PCDHGA12: variants seen among roughly 807,000 people sequenced by gnomAD.
PCDHGA12 encodes protocadherin gamma-A12.
Under a neutral mutation model 61.1 loss-of-function variants are expected in PCDHGA12, and 43 were observed. The observed-to-expected ratio is 0.70, with a 90% CI of 0.55 to 0.91. PCDHGA12 has a LOEUF of 0.91. Among genes scored for constraint, PCDHGA12 ranks in the 40% least tolerant of loss-of-function variants. The pLI is 0.00. For missense variants in PCDHGA12, 1,236 were observed against 1,227.7 expected (o/e 1.01, Z -0.10); for synonymous variants, 520 against 542.9 (o/e 0.96, Z 0.59).
At position 141,486,878 on chromosome 5, in the gene PCDHGA12, C is replaced by T. The variant is rs772994346; in HGVS notation, c.2425-7929C>T. ...CAATGCTCCAGCTGTGCTCCGTCCT[C>T]GGGCCCGGCCTGGTTCCTTATGTCC... On this transcript the variant is annotated intron_variant, in intron 1 of 3. Transcript: ENST00000252085. The surrounding 1 kb of genome is among the most constrained non-coding windows in gnomAD (Gnocchi z 5.0). 3.0e-5 allele frequency: 49 copies of T among 1,614,114 alleles called. No homozygotes were observed. The highest frequency in any genetic ancestry group is 4.4e-5 in the South Asian group (4 of 91,088).
At chr5:141,494,922 C>T (rs1401836511) in intron 2 of PCDHGA12, 57 bp downstream of exon 2, 23 of 1,613,670 alleles carry the variant, frequency 1.4e-5, no homozygotes, top group Non-Finnish European at 1.9e-5. Flanking sequence ...TCAGGGATGA[C>T]GTGGGAGGAG....
At position 141,487,063 on chromosome 5, in the gene PCDHGA12, G is replaced by T; in HGVS notation, c.2425-7744G>T. The T allele has an allele frequency of 6.2e-7, 1 of 1,614,086 alleles. No homozygotes were observed. ...CTCGATATGCTGGGGAGGTGCGGACGGCTGTTCCTATCCCAGCTGACCTCC... is the reference window on the plus strand; with the variant it reads ...CTCGATATGCTGGGGAGGTGCGGACTGCTGTTCCTATCCCAGCTGACCTCC... On this transcript the variant is annotated intron_variant, in intron 1 of 3. Coordinates refer to ENST00000252085, the MANE Select transcript of PCDHGA12 (RefSeq NM_003735.3). The surrounding 1 kb of genome is among the most constrained non-coding windows in gnomAD (Gnocchi z 5.0).
At chr5:141,436,208 A>G (rs1287696925) in intron 1 of PCDHGA12, among the ~76,000 whole-genome samples, 1 of 152,152 alleles carries the variant, frequency 6.6e-6, no homozygotes, top group Non-Finnish European at 1.5e-5. Context: ...CATAATAGGA[A>G]AACAAATGAC....
intron 1 of PCDHGA12, among the ~76,000 whole-genome samples, chr5:141,480,768 A>G (rs1371582817): frequency 6.6e-6 from 1 of 152,162 alleles, no homozygotes; most frequent in African/African-American, 2.4e-5. Flanking sequence ...TCCCCACTTG[A>G]TCCTAATGTG....
chr5:141,430,662 C>A lies in PCDHGA12; in HGVS notation c.-98C>A. 8.6e-7 allele frequency: 1 copy of A among 1,169,068 alleles called. No homozygotes were observed. The highest frequency in any genetic ancestry group is 1.2e-6 in the Non-Finnish European group (1 of 854,690). 72.4% of individuals were successfully genotyped at this position (1,169,068 alleles called of 1,614,324 possible). ...GGAGTATGTGGAAACAACGGAGGAG[C>A]TCTGACTTCCCAACTGTCCCATTCT... On this transcript the variant is annotated 5_prime_UTR_variant, in exon 1 of 4. Transcript: ENST00000252085.
At chr5:141,447,284 C>A (rs979564320) in intron 1 of PCDHGA12, among the ~76,000 whole-genome samples, 1 of 152,124 alleles carries the variant, frequency 6.6e-6, no homozygotes, top group African/African-American at 2.4e-5. Context: ...GGACTACAGG[C>A]ACATGCCACC....
chr5:141,495,205 C>T (rs977479495), intron 2 of PCDHGA12, among the ~76,000 whole-genome samples: 1 of 152,212 alleles, frequency 6.6e-6, no homozygotes, highest in African/African-American at 2.4e-5. Flanking sequence ...TACTGCCTAA[C>T]CCCCTCCCCT....
intron 1 of PCDHGA12, among the ~76,000 whole-genome samples, chr5:141,466,748 G>A (rs562859284): frequency 6.6e-6 from 1 of 152,238 alleles, no homozygotes; most frequent in South Asian, 2.1e-4. Context: ...TACTCTGATA[G>A]GGGCTCTTTT....
intron 1 of PCDHGA12, chr5:141,478,619 A>G: frequency 6.4e-7 from 1 of 1,555,598 alleles, no homozygotes; most frequent in Non-Finnish European, 8.7e-7. Context: ...GAAGGAATGG[A>G]GCTGTTTTTT....
chr5:141,432,627 C>T lies in PCDHGA12; in HGVS notation c.1868C>T (p.Thr623Met). ...GGACTCTTCTCGGTGGGTCTGCACA[C>T]GGGCGAGGTGCGCACGGCGCGAGCC... The part of the protein sequence containing the change: ...EPGLFSVGLH[T>M]GEVRTARALL... Residue 623 changes from threonine (T) to methionine (M), a missense_variant, in exon 1 of 4, where the codon ACG becomes ATG. By Grantham distance (81) the Thr-to-Met change is moderately conservative. Coordinates refer to ENST00000252085, the MANE Select transcript of PCDHGA12 (RefSeq NM_003735.3). This position sits in a 1 kb window ranked among gnomAD's most constrained non-coding sequence, Gnocchi z 6.0. 1.2e-6 allele frequency: 2 copies of T among 1,613,770 alleles called. No individual in the cohort carries two copies. Among genetic ancestry groups the T allele is most frequent in the Non-Finnish European group, 1.7e-6 (2 of 1,179,944 alleles).
chr5:141,489,428 G>C lies in PCDHGA12; in HGVS notation c.2425-5379G>C, dbSNP rs561792279. The C allele has an allele frequency of 1.2e-6, 2 of 1,613,994 alleles. No individual in the cohort carries two copies. Among genetic ancestry groups the C allele is most frequent in the Non-Finnish European group, 1.7e-6 (2 of 1,180,038 alleles). On this transcript the variant is annotated intron_variant, in intron 1 of 3. Coordinates refer to ENST00000252085, the MANE Select transcript of PCDHGA12 (RefSeq NM_003735.3). This position sits in a 1 kb window ranked among gnomAD's most constrained non-coding sequence, Gnocchi z 4.5. The stretch of plus-strand genomic sequence containing the variant: ...AAGATGACAGATCTGTTGAGCCGGC[G>C]GCTGCAATTGGGCTCTGAGGAGAAT...
intron 1 of PCDHGA12, chr5:141,441,621 G>C (rs2098260273): frequency 9.0e-6 from 2 of 223,292 alleles, no homozygotes; most frequent in Non-Finnish European, 1.8e-5. Flanking sequence ...CGTGGCCAGT[G>C]ACCTGGAGCC....
chr5:141,495,918 T>C (rs2099764622), intron 2 of PCDHGA12, among the ~76,000 whole-genome samples: 1 of 152,184 alleles, frequency 6.6e-6, no homozygotes, highest in African/African-American at 2.4e-5. Flanking sequence ...ATATCTTTCT[T>C]TGTCTCTGTC....
At position 141,490,561 on chromosome 5, in the gene PCDHGA12, A is replaced by C. The variant is rs2099701634; in HGVS notation, c.2425-4246A>C. The stretch of plus-strand genomic sequence containing the variant: ...TTCCCTACACAAACATCTCACCATC[A>C]GGCTCAACATTTCAGATGTCAATGA... On this transcript the variant is annotated intron_variant, in intron 1 of 3. Transcript: ENST00000252085. The surrounding 1 kb of genome is among the most constrained non-coding windows in gnomAD (Gnocchi z 5.4). The C allele has an allele frequency of 1.2e-6, 2 of 1,614,090 alleles. No homozygotes were observed. The highest frequency in any genetic ancestry group is 1.7e-4 in the Middle Eastern group (1 of 6,060).
At position 141,511,424 on chromosome 5, in the gene PCDHGA12, G is replaced by A. The variant is rs939906846; in HGVS notation, c.*251G>A. 10 of 810,392 alleles carry A rather than the reference G, an allele frequency of 1.2e-5. No homozygotes were observed. Among genetic ancestry groups the A allele is most frequent in the East Asian group, 3.0e-5 (1 of 33,800 alleles). The allele number at this position is 810,392 out of a possible 1,614,324, so 50.2% of individuals were successfully genotyped here. On this transcript the variant is annotated 3_prime_UTR_variant, in exon 4 of 4. Transcript: ENST00000252085. The stretch of plus-strand genomic sequence containing the variant: ...ATCAACTGCTGTACCCATGGGGGTA[G>A]TGGGGTTACTGTAGACACCAAGAAC...
chr5:141,432,725 G>A lies in PCDHGA12; in HGVS notation c.1966G>A (p.Ala656Thr), dbSNP rs755759587. The A allele has an allele frequency of 7.4e-6, 12 of 1,613,896 alleles. No individual in the cohort carries two copies. Among genetic ancestry groups the A allele is most frequent in the African/African-American group, 1.3e-5 (1 of 74,932 alleles). Residue 656 changes from alanine to threonine, a missense_variant, in exon 1 of 4, where the codon GCC (alanine) becomes ACC (threonine). Transcript: ENST00000252085. This position sits in a 1 kb window ranked among gnomAD's most constrained non-coding sequence, Gnocchi z 6.0. ...VQDHGQPPLS[A>T]TVTLTVAVAD... ...GGACCACGGCCAGCCCCCTCTCTCC[G>A]CCACTGTCACGCTCACCGTGGCCGT...
intron 1 of PCDHGA12, among the ~76,000 whole-genome samples, chr5:141,469,102 A>G (rs1423904196): frequency 6.6e-6 from 1 of 151,626 alleles, no homozygotes; most frequent in East Asian, 1.9e-4. Flanking sequence ...CAAAGCAAGA[A>G]CCTGTCTCTA....
In PCDHGA12 at chr5:141,489,449, A is replaced by G; in HGVS notation, c.2425-5358A>G. The G allele has an allele frequency of 6.2e-7, 1 of 1,614,056 alleles. No homozygotes were observed. Among genetic ancestry groups the G allele is most frequent in the Non-Finnish European group, 8.5e-7 (1 of 1,180,016 alleles). On this transcript the variant is annotated intron_variant, in intron 1 of 3. Coordinates refer to ENST00000252085, the MANE Select transcript of PCDHGA12 (RefSeq NM_003735.3). This position sits in a 1 kb window ranked among gnomAD's most constrained non-coding sequence, Gnocchi z 4.5. ...CGGCGGCTGCAATTGGGCTCTGAGG[A>G]GAATGGGCGCTATTTTTCCCTGAGC...
intron 1 of PCDHGA12, among the ~76,000 whole-genome samples, chr5:141,454,607 T>C (rs1207742002): frequency 6.6e-6 from 1 of 151,574 alleles, no homozygotes; most frequent in Non-Finnish European, 1.5e-5. Flanking sequence ...GGTTTCTCCA[T>C]GTTGGTCAGG....
Sources: allele counts gnomAD v4.1 joint callset (sites outside exome capture counted in the v4.1 genomes callset), GRCh38; gene constraint gnomAD v4.1.1; non-coding constraint Gnocchi (gnomAD v3.1); transcripts MANE v1.5; gene names NCBI Gene and HGNC (gene_info 2026-07-23, HGNC 2026-07-21).